The following XXYLT1 variants were observed in gnomAD, a reference collection of about 807,000 sequenced individuals.
The protein encoded by XXYLT1 is UDP-xylose:alpha-xyloside alpha-1,3-xylosyltransferase.
XXYLT1 carries 20 observed loss-of-function variants against 28.9 expected under a neutral mutation model. The ratio of observed to expected loss-of-function variants is 0.69; its 90% confidence interval spans 0.49 to 1.00. The LOEUF is 1.00. Among genes scored for constraint, XXYLT1 ranks in the 50% least tolerant of loss-of-function variants. The pLI is 0.00. For missense variants in XXYLT1, 542 were observed against 560.1 expected, an observed-to-expected ratio of 0.97 and a Z score of 0.33; for synonymous variants, 257 against 253.8, an observed-to-expected ratio of 1.01 and a Z score of -0.12.
rs1399391830 is a variant in XXYLT1 at position 195,124,746 on chromosome 3, C to T, written c.785+31703G>A. The stretch of plus-strand genomic sequence containing the variant: ...ACCTCCAGTATCACAAGACTGCCCT[C>T]GCTGGCCGGGACACAGTCAGCCAGG... On this transcript the variant is annotated intron_variant, in intron 3 of 3. Transcript: ENST00000310380. The surrounding 1 kb of genome is among the most constrained non-coding windows in gnomAD (Gnocchi z 4.1). 1.3e-5 allele frequency among the ~76,000 whole-genome samples: 2 copies of T among 152,148 alleles called. No individual in the cohort carries two copies. The highest frequency in any genetic ancestry group is 2.1e-4 in the South Asian group (1 of 4,824).
intron 2 of XXYLT1, among the ~76,000 whole-genome samples, chr3:195,169,595 C>G (rs1287627495): frequency 6.6e-6 from 1 of 151,998 alleles, no homozygotes; most frequent in Non-Finnish European, 1.5e-5. Context: ...ATCAAGGCAT[C>G]AAATGTATTC....
chr3:195,160,712 C>T (rs958369842), intron 2 of XXYLT1, among the ~76,000 whole-genome samples: 4 of 152,324 alleles, frequency 2.6e-5, no homozygotes, highest in Admixed American at 6.5e-5. Flanking sequence ...TTGAGGCCCA[C>T]GGGACAGGCA....
chr3:195,208,779 G>C (rs894418880), intron 2 of XXYLT1, among the ~76,000 whole-genome samples: 5 of 152,136 alleles, frequency 3.3e-5, no homozygotes, highest in African/African-American at 1.2e-4. Context: ...TTCTCACGGG[G>C]GAGCGAGGTG....
At chr3:195,135,838 T>C (rs999096019) in intron 3 of XXYLT1, among the ~76,000 whole-genome samples, 1 of 152,086 alleles carries the variant, frequency 6.6e-6, no homozygotes, top group Non-Finnish European at 1.5e-5. Flanking sequence ...GGCAGTCAGG[T>C]AGGCAGGCAG....
At chr3:195,186,172 G>C (rs1722188419) in intron 2 of XXYLT1, among the ~76,000 whole-genome samples, 1 of 152,132 alleles carries the variant, frequency 6.6e-6, no homozygotes, top group Non-Finnish European at 1.5e-5. Context: ...ACCTTCCATT[G>C]CTGGTTCCCT....
intron 3 of XXYLT1, chr3:195,148,038 C>T (rs1043229010): frequency 3.3e-5 from 5 of 152,378 alleles, no homozygotes; most frequent in Admixed American, 2.0e-4. Flanking sequence ...CAGCAGCCCC[C>T]GCTATGCGCC....
intron 2 of XXYLT1, among the ~76,000 whole-genome samples, chr3:195,178,767 T>C (rs2108732240): frequency 6.6e-6 from 1 of 152,290 alleles, no homozygotes; most frequent in Non-Finnish European, 1.5e-5. Flanking sequence ...AACCTAGAGA[T>C]ATTTCCACCA....
At chr3:195,224,419 G>A (rs1044737888) in intron 2 of XXYLT1, among the ~76,000 whole-genome samples, 2 of 152,150 alleles carry the variant, frequency 1.3e-5, no homozygotes, top group African/African-American at 4.8e-5. Flanking sequence ...TCTTGGACAG[G>A]GCTAAGTCAG....
intron 1 of XXYLT1, among the ~76,000 whole-genome samples, chr3:195,261,375 A>G (rs1725696012): frequency 6.6e-6 from 1 of 152,126 alleles, no homozygotes; most frequent in East Asian, 1.9e-4. Flanking sequence ...TGGGACATGG[A>G]GGTTGCAGTA....
At chr3:195,157,714 G>A (rs753608185) in intron 2 of XXYLT1, among the ~76,000 whole-genome samples, 3 of 152,198 alleles carry the variant, frequency 2.0e-5, no homozygotes, top group Non-Finnish European at 4.4e-5. Flanking sequence ...CAGTGCTGAA[G>A]CCTGAAATGG....
intron 1 of XXYLT1, among the ~76,000 whole-genome samples, chr3:195,248,692 T>G (rs948771156): frequency 1.3e-5 from 2 of 151,768 alleles, no homozygotes; most frequent in Non-Finnish European, 2.9e-5. Flanking sequence ...CCAAGGCGGG[T>G]GGATAACCTG....
chr3:195,259,607 G>C (rs1222117466), intron 1 of XXYLT1: 1 of 985,470 alleles, frequency 1.0e-6, no homozygotes, highest in Non-Finnish European at 1.2e-6. Context: ...ATCTCACCGC[G>C]AGGACAGTCG....
At chr3:195,204,482 TC>T in intron 2 of XXYLT1, among the ~76,000 whole-genome samples, 1 of 150,912 alleles carries the variant, frequency 6.6e-6, no homozygotes, top group Non-Finnish European at 1.5e-5. Context: ...TCTCACTCTC[TC>T]TCTCTCTCTC....
At chr3:195,122,769 G>A (rs578172298) in intron 3 of XXYLT1, among the ~76,000 whole-genome samples, 70 of 152,330 alleles carry the variant, frequency 4.6e-4, no homozygotes, top group African/African-American at 1.5e-3. Context: ...GTGTGACAGC[G>A]GGGGCGACAC....
chr3:195,208,114 C>T (rs1723151718), intron 2 of XXYLT1, among the ~76,000 whole-genome samples: 1 of 152,182 alleles, frequency 6.6e-6, no homozygotes, highest in Non-Finnish European at 1.5e-5. Context: ...GGCACGACTC[C>T]TAGGAGGCAG....
chr3:195,080,419 C>A (rs1715364901), intron 3 of XXYLT1, among the ~76,000 whole-genome samples: 1 of 152,146 alleles, frequency 6.6e-6, no homozygotes, highest in African/African-American at 2.4e-5. Flanking sequence ...GCCCCAGGAC[C>A]CAACCAGGAA....
chr3:195,129,983 T>C lies in XXYLT1; in HGVS notation c.785+26466A>G, dbSNP rs746721286. ...TCCTCACCAGCACCTGTTATTGTCCTGCCTTTCTTTTTTTATTATAGCTGA... is the reference window on the plus strand; with the variant it reads ...TCCTCACCAGCACCTGTTATTGTCCCGCCTTTCTTTTTTTATTATAGCTGA... On this transcript the variant is annotated intron_variant, in intron 3 of 3. Coordinates refer to ENST00000310380, the MANE Select transcript of XXYLT1 (RefSeq NM_152531.5). The surrounding 1 kb of genome is among the most constrained non-coding windows in gnomAD (Gnocchi z 4.4). 5.9e-5 allele frequency among the ~76,000 whole-genome samples: 9 copies of C among 152,232 alleles called. No individual in the cohort carries two copies. The highest frequency in any genetic ancestry group is 1.3e-4 in the Non-Finnish European group (9 of 68,032).
intron 2 of XXYLT1, among the ~76,000 whole-genome samples, chr3:195,177,780 A>T (rs4677665): frequency 7.0e-4 from 107 of 152,168 alleles, no homozygotes; most frequent in Middle Eastern, 6.8e-3. Context: ...ATAAAAAAAT[A>T]AAAAATAAAA....
chr3:195,261,674 CTG>C (rs1725703903), intron 1 of XXYLT1, among the ~76,000 whole-genome samples: 1 of 152,098 alleles, frequency 6.6e-6, no homozygotes, highest in African/African-American at 2.4e-5. Context: ...GTCAAGGTAA[CTG>C]TTTTTTGGGG....
Sources: allele counts gnomAD v4.1 joint callset (sites outside exome capture counted in the v4.1 genomes callset), GRCh38; gene constraint gnomAD v4.1.1; non-coding constraint Gnocchi (gnomAD v3.1); transcripts MANE v1.5; gene names NCBI Gene and HGNC (gene_info 2026-07-23, HGNC 2026-07-21).